The following COLGALT2 variants were observed in gnomAD, a reference collection of about 807,000 sequenced individuals.
COLGALT2 encodes the protein collagen beta(1-O)galactosyltransferase 2.
In COLGALT2, 49 loss-of-function variants were observed where a neutral mutation model predicts 73.4. That is an observed-to-expected ratio of 0.67 (90% CI 0.53 to 0.85). The LOEUF is 0.85. Among genes scored for constraint, COLGALT2 ranks in the 40% least tolerant of loss-of-function variants. The pLI is 0.00. For synonymous variants in COLGALT2, 295 were observed against 307.6 expected, an observed-to-expected ratio of 0.96 and a Z score of 0.43; for missense variants, 722 against 790.2, an observed-to-expected ratio of 0.91 and a Z score of 1.03.
intron 1 of COLGALT2, among the ~76,000 whole-genome samples, chr1:183,998,168 G>C (rs1671820582): frequency 6.6e-6 from 1 of 152,198 alleles, no homozygotes; most frequent in African/African-American, 2.4e-5. Flanking sequence ...GCAATGCTTA[G>C]AATGTTGTCA....
chr1:183,968,772 C>A (rs1670950402), intron 5 of COLGALT2, among the ~76,000 whole-genome samples: 2 of 152,166 alleles, frequency 1.3e-5, no homozygotes, highest in African/African-American at 4.8e-5. Flanking sequence ...CAATTAAGGG[C>A]AGTACCTCGT....
chr1:183,999,827 A>G (rs773396136), intron 1 of COLGALT2, among the ~76,000 whole-genome samples: 1 of 152,040 alleles, frequency 6.6e-6, no homozygotes, highest in Non-Finnish European at 1.5e-5. Context: ...TGTTTGTATG[A>G]CCAGTCTTAC....
intron 1 of COLGALT2, among the ~76,000 whole-genome samples, chr1:183,998,570 T>C (rs1388769286): frequency 6.6e-6 from 1 of 152,146 alleles, no homozygotes; most frequent in Non-Finnish European, 1.5e-5. Context: ...GGTCCTTTGT[T>C]CTTTCAAATA....
chr1:183,971,695 G>A (rs915214109), intron 4 of COLGALT2, among the ~76,000 whole-genome samples: 1 of 152,168 alleles, frequency 6.6e-6, no homozygotes, highest in Non-Finnish European at 1.5e-5. Context: ...CAACAAAAGA[G>A]GAATGCTTCA....
Position 183,937,372 on chromosome 1 carries a change from T to C in COLGALT2, c.*1389A>G. 3 of 1,004,284 alleles carry C rather than the reference T, an allele frequency of 3.0e-6. No homozygotes were observed. The highest frequency in any genetic ancestry group is 3.6e-6 in the Non-Finnish European group (3 of 842,744). The allele number at this position is 1,004,284 out of a possible 1,614,324, so 62.2% of individuals were successfully genotyped here. On this transcript the variant is annotated 3_prime_UTR_variant, in exon 12 of 12. Transcript: ENST00000361927. Reference sequence around the variant, plus strand: ...CATGATCTATACTAGGATGACAGATTGTGGAGTGGGAAGAAATCGTGTAGT... The same window carrying C: ...CATGATCTATACTAGGATGACAGATCGTGGAGTGGGAAGAAATCGTGTAGT...
At chr1:183,988,622 T>C (rs1363417375) in intron 1 of COLGALT2, among the ~76,000 whole-genome samples, 1 of 152,238 alleles carries the variant, frequency 6.6e-6, no homozygotes, top group Non-Finnish European at 1.5e-5. Context: ...TCTTTCACTT[T>C]GCATACTGTT....
intron 1 of COLGALT2, among the ~76,000 whole-genome samples, chr1:183,992,804 T>C (rs1335657293): frequency 1.3e-5 from 2 of 152,220 alleles, no homozygotes; most frequent in Non-Finnish European, 2.9e-5. Flanking sequence ...TTCCCCAACC[T>C]CCCCAAATGG....
intron 2 of COLGALT2, among the ~76,000 whole-genome samples, 174 bp from the exon 3 acceptor site, chr1:183,975,388 A>G (rs1206058422): frequency 1.3e-5 from 2 of 152,234 alleles, no homozygotes; most frequent in African/African-American, 2.4e-5. Flanking sequence ...TGAGAAGTCA[A>G]GTAACTCACT....
chr1:183,962,241 C>T (rs1670730696), intron 6 of COLGALT2, among the ~76,000 whole-genome samples: 1 of 138,188 alleles, frequency 7.2e-6, no homozygotes, highest in Non-Finnish European at 1.5e-5. Flanking sequence ...CTCACTGCAA[C>T]CTCTGCCTCC....
intron 1 of COLGALT2, among the ~76,000 whole-genome samples, chr1:183,993,717 A>G (rs1481383389): frequency 6.6e-6 from 1 of 152,234 alleles, no homozygotes; most frequent in East Asian, 1.9e-4. Flanking sequence ...AACAATGTCC[A>G]ACATTCAAAG....
chr1:183,975,517 T>G (rs1212848378), intron 2 of COLGALT2, among the ~76,000 whole-genome samples: 1 of 152,214 alleles, frequency 6.6e-6, no homozygotes, highest in Non-Finnish European at 1.5e-5. Context: ...GTAGAGCAGT[T>G]AAGTCATTCG....
In COLGALT2 at chr1:183,936,893, C is replaced by A; in HGVS notation, c.*1868G>T. 1.6e-6 allele frequency: 2 copies of A among 1,231,710 alleles called. No homozygotes were observed. Among genetic ancestry groups the A allele is most frequent in the Non-Finnish European group, 2.0e-6 (2 of 987,994 alleles). 76.3% of individuals were successfully genotyped at this position (1,231,710 alleles called of 1,614,324 possible). ...AGTCGGGAAGGAAGGCCGAGGCTGG[C>A]GTCTGGTGGAAGGCAAGCTGCCTCT... On this transcript the variant is annotated 3_prime_UTR_variant, in exon 12 of 12. Coordinates refer to ENST00000361927, the MANE Select transcript of COLGALT2 (RefSeq NM_015101.4).
intron 1 of COLGALT2, among the ~76,000 whole-genome samples, chr1:184,002,166 C>A (rs1572669178): frequency 6.6e-6 from 1 of 152,274 alleles, no homozygotes; most frequent in East Asian, 1.9e-4. Context: ...GGGCTCCTAT[C>A]TAGCCTGTTC....
At chr1:184,009,884 GC>G (rs1332326620) in intron 1 of COLGALT2, among the ~76,000 whole-genome samples, 1 of 152,146 alleles carries the variant, frequency 6.6e-6, no homozygotes, top group African/African-American at 2.4e-5. Flanking sequence ...CAGATCTCAT[GC>G]CAAGGCTCTG....
At chr1:183,985,832 C>A (rs968565308) in intron 1 of COLGALT2, among the ~76,000 whole-genome samples, 1 of 152,190 alleles carries the variant, frequency 6.6e-6, no homozygotes, top group Non-Finnish European at 1.5e-5. Context: ...GGACAATCCT[C>A]ACCATGACTA....
rs376910319 is a variant in COLGALT2, at chr1:184,019,718, G to A, written c.263+17377C>T. Among the ~76,000 whole-genome samples, 12 of 152,260 alleles carry A rather than the reference G, an allele frequency of 7.9e-5. No individual in the cohort carries two copies. In the East Asian group the frequency reaches 1.9e-3, roughly 24 times the overall value. ...TTAGCCCAGTGCCAATCTGAGAAGC[G>A]CTCTTTTTATTCAAGATGAGATGTG... is the stretch of plus-strand genomic sequence containing the variant. On this transcript the variant is annotated intron_variant, in intron 1 of 11. Transcript: ENST00000361927.
At chr1:184,014,450 G>A (rs1424660025) in intron 1 of COLGALT2, among the ~76,000 whole-genome samples, 10 of 152,154 alleles carry the variant, frequency 6.6e-5, no homozygotes, top group Admixed American at 5.9e-4. Flanking sequence ...GGTGATCTTG[G>A]CAAGGAAACT....
At chr1:183,960,958 C>T (rs560687061) in intron 6 of COLGALT2, among the ~76,000 whole-genome samples, 2 of 152,302 alleles carry the variant, frequency 1.3e-5, no homozygotes, top group South Asian at 2.1e-4. Context: ...AGGCACTATG[C>T]AAAGTGTTTT....
At chr1:184,024,502 A>G (rs1649272498) in intron 1 of COLGALT2, among the ~76,000 whole-genome samples, 1 of 151,566 alleles carries the variant, frequency 6.6e-6, no homozygotes, top group African/African-American at 2.4e-5. Context: ...ACAGGTGCCC[A>G]TCACCACACC....
Sources: gnomAD v4.1 joint callset for allele counts (sites outside exome capture counted in the v4.1 genomes callset) on GRCh38, gnomAD v4.1.1 for gene constraint, MANE v1.5 for transcripts, NCBI Gene and HGNC (gene_info 2026-07-23, HGNC 2026-07-21) for gene names.